Variants in TUSC3 observed in about 807,000 individuals in gnomAD.
The protein encoded by TUSC3 is dolichyl-diphosphooligosaccharide--protein glycosyltransferase subunit TUSC3.
Under a neutral mutation model 44.8 loss-of-function variants are expected in TUSC3, and 45 were observed. The ratio of observed to expected loss-of-function variants is 1.00; its 90% CI spans 0.79 to 1.29. TUSC3 has a LOEUF of 1.29. Ranked by LOEUF, TUSC3 falls within the 50% of genes most tolerant of loss-of-function variation. The probability of loss-of-function intolerance (pLI) is 0.00; values close to 1 mark genes in which losing one functional copy is unlikely to be tolerated. For missense variants in TUSC3, 519 were observed against 437.9 expected, an observed-to-expected ratio of 1.19 and a Z score of -1.65; for synonymous variants, 212 against 152.9, an observed-to-expected ratio of 1.39 and a Z score of -2.85.
At chr8:15,734,918 A>C (rs1207728358) in intron 7 of TUSC3, among the ~76,000 whole-genome samples, 4 of 152,330 alleles carry the variant, frequency 2.6e-5, no homozygotes, top group African/African-American at 9.6e-5. Flanking sequence ...AGGCTGGATA[A>C]TGAAGACCTT....
chr8:15,491,128 T>C (rs1476214759), intron 2 of TUSC3, among the ~76,000 whole-genome samples: 1 of 152,224 alleles, frequency 6.6e-6, no homozygotes, highest in African/African-American at 2.4e-5. Flanking sequence ...TGCATTTTTA[T>C]ATAAGATAAA....
At chr8:15,449,366 C>G (rs1321028441) in intron 1 of TUSC3, among the ~76,000 whole-genome samples, 2 of 152,146 alleles carry the variant, frequency 1.3e-5, no homozygotes, top group African/African-American at 2.4e-5. Flanking sequence ...TTTTGACCCT[C>G]TGATGTCAAA....
intron 1 of TUSC3, among the ~76,000 whole-genome samples, chr8:15,469,546 G>T (rs899445132): frequency 1.3e-5 from 2 of 152,116 alleles, no homozygotes; most frequent in African/African-American, 4.8e-5. Context: ...ATTGCTGGTG[G>T]GAATACAAAA....
intron 6 of TUSC3, among the ~76,000 whole-genome samples, chr8:15,710,560 A>G (rs1005964665): frequency 6.6e-6 from 1 of 151,670 alleles, no homozygotes; most frequent in African/African-American, 2.4e-5. Context: ...AAAAGGAAAC[A>G]CTTGTTTACC....
chr8:15,524,400 A>G (rs1013768841), intron 2 of TUSC3, among the ~76,000 whole-genome samples: 1 of 152,132 alleles, frequency 6.6e-6, no homozygotes, highest in Admixed American at 6.5e-5. Flanking sequence ...TCCTAAATTC[A>G]TTTACCTTTG....
chr8:15,499,553 G>C (rs1163928536), intron 2 of TUSC3, among the ~76,000 whole-genome samples: 2 of 152,104 alleles, frequency 1.3e-5, no homozygotes, highest in Non-Finnish European at 2.9e-5. Context: ...CCTCTCTTTT[G>C]TGTCTGCATT....
chr8:15,715,476 G>A (rs545358355), intron 6 of TUSC3, among the ~76,000 whole-genome samples: 80 of 152,154 alleles, frequency 5.3e-4, no homozygotes, highest in African/African-American at 1.9e-3. Context: ...GTGTGGATAT[G>A]CTCTACGAAG....
At chr8:15,424,300 G>A (rs1271147238) in intron 1 of TUSC3, among the ~76,000 whole-genome samples, 4 of 149,426 alleles carry the variant, frequency 2.7e-5, no homozygotes, top group African/African-American at 9.7e-5. Flanking sequence ...GCTGTCTCAG[G>A]AGTGTATCAC....
At chr8:15,493,896 A>T (rs994714715) in intron 2 of TUSC3, among the ~76,000 whole-genome samples, 1 of 152,186 alleles carries the variant, frequency 6.6e-6, no homozygotes, top group Non-Finnish European at 1.5e-5. Flanking sequence ...GAGTATCCTG[A>T]TGATTTCCAC....
intron 6 of TUSC3, among the ~76,000 whole-genome samples, chr8:15,676,129 C>G (rs1585218411): frequency 1.3e-5 from 2 of 152,226 alleles, no homozygotes; most frequent in African/African-American, 4.8e-5. Context: ...GCCATTCTGA[C>G]TGGTGTGAAA....
At chr8:15,804,410 A>C in the TUSC3 span, among the ~76,000 whole-genome samples, 1 of 152,202 alleles carries the variant, frequency 6.6e-6, no homozygotes. Context: ...CTTAAGGCTG[A>C]TGTCCTGACT....
chr8:15,638,707 A>G (rs527913496), intron 2 of TUSC3, among the ~76,000 whole-genome samples: 18 of 151,508 alleles, frequency 1.2e-4, no homozygotes, highest in African/African-American at 4.1e-4. Flanking sequence ...TGTATTTTTA[A>G]TAGAGACAGG....
At chr8:15,561,880 A>T (rs1232969557) in intron 1 of TUSC3, among the ~76,000 whole-genome samples, 6 of 152,068 alleles carry the variant, frequency 3.9e-5, no homozygotes, top group Non-Finnish European at 8.8e-5. Flanking sequence ...CGGTGTGCGC[A>T]CCCACTCTCC....
chr8:15,697,048 T>A (rs1235793429), intron 6 of TUSC3, among the ~76,000 whole-genome samples: 1 of 152,122 alleles, frequency 6.6e-6, no homozygotes, highest in East Asian at 1.9e-4. Context: ...TCTCTCTAGG[T>A]TTTCTAGTTT....
chr8:15,556,016 T>A (rs1802250926), intron 1 of TUSC3, among the ~76,000 whole-genome samples: 1 of 151,162 alleles, frequency 6.6e-6, no homozygotes. Flanking sequence ...TTATTTTTTT[T>A]TTATTATACT....
chr8:15,831,089 G>A, the TUSC3 span, among the ~76,000 whole-genome samples: 3 of 152,064 alleles, frequency 2.0e-5, no homozygotes, highest in Non-Finnish European at 4.4e-5. Flanking sequence ...CCCCAACCCA[G>A]CACATTGTAT....
chr8:15,548,403 A>C (rs1345412673), intron 1 of TUSC3, among the ~76,000 whole-genome samples: 1 of 151,848 alleles, frequency 6.6e-6, no homozygotes, highest in Non-Finnish European at 1.5e-5. Context: ...ACAGTTGTAC[A>C]TGGCTTTGGG....
At chr8:15,696,615 C>G (rs1160051138) in intron 6 of TUSC3, among the ~76,000 whole-genome samples, 1 of 152,192 alleles carries the variant, frequency 6.6e-6, no homozygotes, top group Non-Finnish European at 1.5e-5. Flanking sequence ...GCCTGGATCC[C>G]TGCATCCCTG....
intron 6 of TUSC3, among the ~76,000 whole-genome samples, chr8:15,697,319 G>C (rs934771025): frequency 1.3e-5 from 2 of 152,050 alleles, no homozygotes; most frequent in African/African-American, 4.8e-5. Flanking sequence ...TTCTTCTGCT[G>C]AGTTTGGGTT....
Sources: gnomAD v4.1 joint callset for allele counts (sites outside exome capture counted in the v4.1 genomes callset) on GRCh38, gnomAD v4.1.1 for gene constraint, MANE v1.5 for transcripts, NCBI Gene and HGNC (gene_info 2026-07-23, HGNC 2026-07-21) for gene names.